PRSS23: variants seen among roughly 807,000 people sequenced by gnomAD.
The protein encoded by PRSS23 is protease, serine 23.
Under a neutral mutation model 34.7 loss-of-function variants are expected in PRSS23, and 25 were observed. The ratio of observed to expected loss-of-function variants is 0.72; its 90% CI spans 0.53 to 1.01. PRSS23 has a LOEUF of 1.01. Ranked by LOEUF, PRSS23 falls within the 50% of genes least tolerant of loss-of-function variation. The pLI is 0.00. For synonymous variants in PRSS23, 176 were observed against 186.6 expected, an observed-to-expected ratio of 0.94 and a Z score of 0.46; for missense variants, 445 against 475.6, an observed-to-expected ratio of 0.94 and a Z score of 0.60.
chr11:86,827,970 G>A (rs1948316983), intron 2 of PRSS23, among the ~76,000 whole-genome samples: 1 of 152,168 alleles, frequency 6.6e-6, no homozygotes, highest in African/African-American at 2.4e-5. Flanking sequence ...TGTATATTCT[G>A]TTGATTTGGG....
intron 2 of PRSS23, among the ~76,000 whole-genome samples, chr11:86,913,859 G>T (rs1347523813): frequency 6.6e-6 from 1 of 151,190 alleles, no homozygotes; most frequent in African/African-American, 2.5e-5. Flanking sequence ...AGGACAACAG[G>T]GTAGCTAAGA....
chr11:86,879,800 C>T (rs1948759188), intron 2 of PRSS23, among the ~76,000 whole-genome samples: 7 of 113,136 alleles, frequency 6.2e-5, no homozygotes, highest in African/African-American at 1.0e-4. Flanking sequence ...CCCGGCCAGC[C>T]GCCCCGTCCG....
At chr11:86,795,242 A>C (rs976997912) in intron 1 of PRSS23, among the ~76,000 whole-genome samples, 1 of 152,114 alleles carries the variant, frequency 6.6e-6, no homozygotes, top group Non-Finnish European at 1.5e-5. Flanking sequence ...AATAATAATT[A>C]TAATAATAAT....
At chr11:86,945,537 C>A (rs889982302) in intron 2 of PRSS23, 3 of 152,110 alleles carry the variant, frequency 2.0e-5, no homozygotes, top group Non-Finnish European at 2.9e-5. Context: ...GGAAAAAGAG[C>A]CCCAGCAAAA....
At chr11:86,907,971 G>A (rs953245572) in intron 2 of PRSS23, among the ~76,000 whole-genome samples, 4 of 152,178 alleles carry the variant, frequency 2.6e-5, no homozygotes, top group Middle Eastern at 3.2e-3. Context: ...TGGGAATCAC[G>A]CAGTAGTTGT....
intron 2 of PRSS23, among the ~76,000 whole-genome samples, chr11:86,919,110 C>T (rs1428898098): frequency 1.3e-5 from 2 of 152,176 alleles, no homozygotes; most frequent in African/African-American, 2.4e-5. Flanking sequence ...CACTGTTTCA[C>T]AAAGGGTCTT....
intron 1 of PRSS23, among the ~76,000 whole-genome samples, chr11:86,819,062 C>A (rs771012303): frequency 6.6e-6 from 1 of 152,122 alleles, no homozygotes; most frequent in African/African-American, 2.4e-5. Context: ...TGCTGCTGGG[C>A]GGGAGTCCCA....
chr11:86,904,564 G>A (rs545140600), intron 2 of PRSS23, among the ~76,000 whole-genome samples: 9 of 152,000 alleles, frequency 5.9e-5, no homozygotes, highest in East Asian at 3.9e-4. Context: ...CTAAATACCC[G>A]CCCACCTGAG....
intron 2 of PRSS23, among the ~76,000 whole-genome samples, chr11:86,897,355 G>C (rs958374248): frequency 2.6e-5 from 4 of 152,036 alleles, no homozygotes; most frequent in African/African-American, 9.7e-5. Context: ...CTCCCAACTT[G>C]GCCTACTCTC....
chr11:86,854,413 C>T (rs1223491103), intron 2 of PRSS23, among the ~76,000 whole-genome samples: 2 of 152,194 alleles, frequency 1.3e-5, no homozygotes, highest in Non-Finnish European at 2.9e-5. Context: ...TGGATAACAG[C>T]CTCTTTTCAG....
At position 86,807,831 on chromosome 11, in the gene PRSS23, C is replaced by A. The variant is rs746517342; in HGVS notation, c.188C>A (p.Ser63Tyr). ...FGAEAKLEVS[S>Y]SCGPQCHKGT... ...GCCGAAGCCAAATTAGAAGTATCTTCTTCATGTGGACCCCAGTGTCATAAG... is the reference window on the plus strand; with the variant it reads ...GCCGAAGCCAAATTAGAAGTATCTTATTCATGTGGACCCCAGTGTCATAAG... Residue 63 changes from serine to tyrosine, a missense_variant, in exon 2 of 2, where the codon TCT (serine) becomes TAT (tyrosine). Coordinates refer to ENST00000280258, the MANE Select transcript of PRSS23 (RefSeq NM_007173.6). The A allele has an allele frequency of 6.2e-7, 1 of 1,614,146 alleles. No individual in the cohort carries two copies. The highest frequency in any genetic ancestry group is 2.2e-5 in the East Asian group (1 of 44,870).
intron 2 of PRSS23, among the ~76,000 whole-genome samples, chr11:86,867,920 G>A (rs1263374054): frequency 6.7e-6 from 1 of 149,426 alleles, no homozygotes; most frequent in Admixed American, 6.7e-5. Flanking sequence ...AATGTGAGTG[G>A]AGGTATGGAA....
At chr11:86,816,631 C>T (rs560284190) in intron 1 of PRSS23, among the ~76,000 whole-genome samples, 7 of 152,332 alleles carry the variant, frequency 4.6e-5, no homozygotes, top group African/African-American at 1.7e-4. Flanking sequence ...CTAATATCCT[C>T]TGTGGATAAG....
intron 2 of PRSS23, chr11:86,939,151 T>C (rs1336956658): frequency 2.7e-6 from 1 of 372,118 alleles, no homozygotes; most frequent in Non-Finnish European, 5.2e-6. Context: ...TCCATGTCAC[T>C]ACTTCTCAGG....
chr11:86,843,022 A>G (rs1286435176), intron 2 of PRSS23, among the ~76,000 whole-genome samples: 5 of 152,208 alleles, frequency 3.3e-5, no homozygotes, highest in Non-Finnish European at 5.9e-5. Flanking sequence ...TTCAAACTAT[A>G]CTACAAGGCT....
At chr11:86,945,212 A>G (rs1450497306) in intron 2 of PRSS23, among the ~76,000 whole-genome samples, 1 of 152,116 alleles carries the variant, frequency 6.6e-6, no homozygotes, top group East Asian at 1.9e-4. Context: ...GTAGCCAGAA[A>G]AAAAAAAATC....
At chr11:86,878,089 T>C (rs1948737071) in intron 2 of PRSS23, among the ~76,000 whole-genome samples, 1 of 152,196 alleles carries the variant, frequency 6.6e-6, no homozygotes, top group Non-Finnish European at 1.5e-5. Flanking sequence ...GTATCAAAAT[T>C]GGAATTGTAC....
chr11:86,914,829 T>C (rs756404183), intron 2 of PRSS23, among the ~76,000 whole-genome samples: 1 of 152,256 alleles, frequency 6.6e-6, no homozygotes, highest in Non-Finnish European at 1.5e-5. Context: ...TTAAGCCTTA[T>C]ACATTTTTTA....
rs1002512182 is a variant in PRSS23, at chr11:86,822,168, G to T, written c.-11-1209G>T. Among the ~76,000 whole-genome samples the T allele has an allele frequency of 3.3e-5, 5 of 152,182 alleles. No individual in the cohort carries two copies. The South Asian group carries it at 1.0e-3, about 32-fold the overall frequency. On this transcript the variant is annotated intron_variant, in intron 1 of 2. Transcript: ENST00000533902. ...ATTTATTGAGCACCTACTATGCAAG[G>T]CATAGTAGGTAAAACTGAAAAACGT...
Sources: gnomAD v4.1 joint callset for allele counts (sites outside exome capture counted in the v4.1 genomes callset) on GRCh38, gnomAD v4.1.1 for gene constraint, MANE v1.5 for transcripts, NCBI Gene and HGNC (gene_info 2026-07-23, HGNC 2026-07-21) for gene names.